Variants in FRMD4A observed in about 807,000 individuals in gnomAD.
The protein encoded by FRMD4A is FERM domain-containing protein 4A.
Under a neutral mutation model 129.1 loss-of-function variants are expected in FRMD4A, and 29 were observed. The observed-to-expected ratio is 0.22, with a 90% confidence interval of 0.17 to 0.31. The LOEUF (loss-of-function observed/expected upper bound fraction) is 0.31. Among genes scored for constraint, FRMD4A ranks in the 10% least tolerant of loss-of-function variants. The pLI is 1.00. For synonymous variants in FRMD4A, 634 were observed against 571.6 expected (o/e 1.11, Z -1.56); for missense variants, 1,272 against 1,375.8 (o/e 0.92, Z 1.19).
chr10:14,129,408 A>ATATATATATAT (rs1491249191), intron 2 of FRMD4A, among the ~76,000 whole-genome samples: 4 of 103,198 alleles, frequency 3.9e-5, no homozygotes, highest in South Asian at 2.9e-4. Flanking sequence ...ATATATATAT[A>ATATATATATAT]AAAAATATGA....
intron 2 of FRMD4A, among the ~76,000 whole-genome samples, chr10:14,223,590 A>C (rs1405273614): frequency 6.6e-6 from 1 of 152,024 alleles, no homozygotes; most frequent in Non-Finnish European, 1.5e-5. Context: ...AATATCAAAA[A>C]ATTAGCCAGG....
intron 14 of FRMD4A, among the ~76,000 whole-genome samples, chr10:13,695,553 G>A (rs1368284235): frequency 3.3e-5 from 5 of 152,178 alleles, no homozygotes; most frequent in Admixed American, 3.3e-4. Context: ...TCTTCTTCAG[G>A]AAATCAACTT....
intron 2 of FRMD4A, among the ~76,000 whole-genome samples, chr10:14,293,909 G>C (rs1326645889): frequency 6.6e-6 from 1 of 151,382 alleles, no homozygotes; most frequent in Non-Finnish European, 1.5e-5. Flanking sequence ...TCAATGTTAA[G>C]GAACCTCAAA....
chr10:14,272,892 TG>T (rs1367551698), intron 2 of FRMD4A, among the ~76,000 whole-genome samples: 8 of 152,300 alleles, frequency 5.3e-5, no homozygotes, highest in Non-Finnish European at 1.2e-4. Flanking sequence ...ATAGACGTCT[TG>T]GTCTTTGAAA....
intron 2 of FRMD4A, among the ~76,000 whole-genome samples, chr10:14,067,704 C>A (rs904610953): frequency 2.0e-5 from 3 of 152,146 alleles, no homozygotes; most frequent in African/African-American, 7.2e-5. Flanking sequence ...GTAGTCCCAG[C>A]TACTCGGGAG....
intron 2 of FRMD4A, among the ~76,000 whole-genome samples, chr10:14,106,199 C>T (rs1474621918): frequency 1.3e-5 from 2 of 152,192 alleles, no homozygotes; most frequent in Non-Finnish European, 2.9e-5. Flanking sequence ...TTTATGGAGT[C>T]AAACAAATTT....
At chr10:14,089,630 C>CAAAAAAAAAAAAAAAAAA (rs59553317) in intron 2 of FRMD4A, among the ~76,000 whole-genome samples, 3 of 130,776 alleles carry the variant, frequency 2.3e-5, no homozygotes, top group East Asian at 2.3e-4. Flanking sequence ...AAAAAAAAAA[C>CAAAAAAAAAAAAAAAAAA]AAAAAAAAAC....
At position 13,783,986 on chromosome 10, in the gene FRMD4A, C is replaced by A. The variant is rs535728420; in HGVS notation, c.300-980G>T. ...GCGCTTGTACTGTCTAATGACCAGC[C>A]GCACTGAAGGACTAGGAGTTGAAAG... On this transcript the variant is annotated intron_variant, in intron 5 of 24. Transcript: ENST00000357447. Among the ~76,000 whole-genome samples, 38 of 152,160 alleles carry A rather than the reference C, an allele frequency of 2.5e-4. No individual in the cohort carries two copies. The South Asian group carries it at 7.5e-3, about 30-fold the overall frequency.
At chr10:13,995,946 C>T (rs556613891) in intron 2 of FRMD4A, among the ~76,000 whole-genome samples, 57 of 152,258 alleles carry the variant, frequency 3.7e-4, no homozygotes, top group African/African-American at 1.3e-3. Flanking sequence ...GCATCTTAGC[C>T]TCTCCATGCT....
chr10:13,964,936 T>A (rs545853036), intron 2 of FRMD4A, among the ~76,000 whole-genome samples: 1 of 152,158 alleles, frequency 6.6e-6, no homozygotes, highest in South Asian at 2.1e-4. Flanking sequence ...TGCCCGCCTC[T>A]GCCTCCCAAA....
chr10:13,864,056 C>T lies in FRMD4A; in HGVS notation c.46-5144G>A, dbSNP rs187358792. Among the ~76,000 whole-genome samples the T allele has an allele frequency of 7.9e-3, 1,195 of 152,136 alleles. 5 individuals carry two copies. Among genetic ancestry groups the T allele is most frequent in the Middle Eastern group, 0.027 (8 of 294 alleles). On this transcript the variant is annotated intron_variant, in intron 2 of 24. Coordinates refer to ENST00000357447, the MANE Select transcript of FRMD4A (RefSeq NM_018027.5). The stretch of plus-strand genomic sequence containing the variant: ...TGTTGCCCAGGCTGGAGTGCAGTGG[C>T]ATGATCTCGGCTCACTGCAACCTCC...
At chr10:13,770,470 G>T (rs2092425012) in intron 6 of FRMD4A, among the ~76,000 whole-genome samples, 1 of 152,006 alleles carries the variant, frequency 6.6e-6, no homozygotes, top group South Asian at 2.1e-4. Flanking sequence ...TTGAGACAGG[G>T]TCTTGCTCTG....
At chr10:14,002,216 A>C (rs2095645250) in intron 2 of FRMD4A, among the ~76,000 whole-genome samples, 1 of 152,248 alleles carries the variant, frequency 6.6e-6, no homozygotes, top group Admixed American at 6.5e-5. Flanking sequence ...TTGTGATAAA[A>C]GAGAATGCTT....
intron 6 of FRMD4A, among the ~76,000 whole-genome samples, chr10:13,772,590 T>C (rs953204780): frequency 6.6e-6 from 1 of 152,164 alleles, no homozygotes; most frequent in Non-Finnish European, 1.5e-5. Flanking sequence ...CATCTTTGTG[T>C]CCTATAGTTC....
At chr10:14,078,847 G>A (rs1408134020) in intron 2 of FRMD4A, among the ~76,000 whole-genome samples, 1 of 152,182 alleles carries the variant, frequency 6.6e-6, no homozygotes, top group East Asian at 1.9e-4. Flanking sequence ...CCCTTTCTGT[G>A]GAGACTGGTA....
At chr10:14,276,048 A>T (rs1845328635) in intron 2 of FRMD4A, among the ~76,000 whole-genome samples, 1 of 152,172 alleles carries the variant, frequency 6.6e-6, no homozygotes, top group African/African-American at 2.4e-5. Flanking sequence ...AAAAAACAAA[A>T]ACAAACAAAA....
chr10:14,308,876 C>G (rs1307832572), intron 2 of FRMD4A, among the ~76,000 whole-genome samples: 1 of 152,100 alleles, frequency 6.6e-6, no homozygotes, highest in Non-Finnish European at 1.5e-5. Context: ...ACCAAATGAC[C>G]CATTGGTTAG....
At chr10:14,311,312 C>A (rs1212471407) in intron 2 of FRMD4A, among the ~76,000 whole-genome samples, 1 of 152,168 alleles carries the variant, frequency 6.6e-6, no homozygotes, top group African/African-American at 2.4e-5. Flanking sequence ...CTTTGTAGAA[C>A]TGACCAATTT....
chr10:13,718,741 T>C (rs945438394), intron 12 of FRMD4A, among the ~76,000 whole-genome samples: 13 of 152,202 alleles, frequency 8.5e-5, no homozygotes, highest in Non-Finnish European at 1.8e-4. Context: ...TTAAACAACT[T>C]TCTTTTCACC....
Sources: allele counts gnomAD v4.1 joint callset (sites outside exome capture counted in the v4.1 genomes callset), GRCh38; gene constraint gnomAD v4.1.1; transcripts MANE v1.5; gene names NCBI Gene and HGNC (gene_info 2026-07-23, HGNC 2026-07-21).